H3C6: variants seen among roughly 807,000 people sequenced by gnomAD.
H3C6 encodes H3 clustered histone 6.
In H3C6, 17 loss-of-function variants were observed where a neutral mutation model predicts 8.0. That is an observed-to-expected ratio of 2.13 (90% CI 1.46 to 3.19). H3C6 has a LOEUF of 3.19. Among genes scored for constraint, H3C6 ranks in the 30% most tolerant of loss-of-function variants. The pLI, the probability that H3C6 is intolerant of heterozygous loss-of-function variation, is 0.00. For missense variants in H3C6, 298 were observed against 193.8 expected (o/e 1.54, Z -3.19); for synonymous variants, 169 against 78.0 (o/e 2.17, Z -6.15).
At chr6:26,225,629 A>G (rs1410568518), downstream of H3C6, 3 of 1,542,464 alleles carry the variant, frequency 1.9e-6, no homozygotes, top group African/African-American at 4.1e-5. Context: ...TTGTCCGTGA[A>G]AAGGGCTGTA....
chr6:26,225,073 T>C (rs1765597019), upstream of H3C6: 2 of 1,438,372 alleles, frequency 1.4e-6, no homozygotes, highest in African/African-American at 2.9e-5. Context: ...ACAGGGATCG[T>C]CCACAATCCA....
In H3C6 at chr6:26,225,405, G is replaced by A. The variant is rs767947981; in HGVS notation, c.251G>A (p.Arg84His). The change falls in exon 1 of 1, where the codon CGC becomes CAC. Residue 84 changes from arginine (R) to histidine (H), a missense_variant. Arg to His is a conservative substitution (Grantham distance 29, BLOSUM62 0). Transcript: ENST00000614911. ...EIAQDFKTDL[R>H]FQSSAVMALQ... Reference sequence around the variant, plus strand: ...GCTCAGGACTTCAAGACCGACCTGCGCTTCCAGAGTTCCGCGGTGATGGCG... The same window carrying A: ...GCTCAGGACTTCAAGACCGACCTGCACTTCCAGAGTTCCGCGGTGATGGCG... 8 of 1,614,144 alleles carry A rather than the reference G, an allele frequency of 5.0e-6. No individual in the cohort carries two copies. Among genetic ancestry groups the A allele is most frequent in the South Asian group, 3.3e-5 (3 of 91,094 alleles).
chr6:26,225,316 C>T lies in H3C6; in HGVS notation c.162C>T (p.Arg54=), dbSNP rs143567772. 1.7e-5 allele frequency: 28 copies of T among 1,614,130 alleles called. No homozygotes were observed. The highest frequency in any genetic ancestry group is 2.2e-5 in the South Asian group (2 of 91,088). ...CCGTGGCTCTGCGCGAGATCCGTCG[C>T]TACCAGAAGTCTACCGAGCTTCTAA... ...PGTVALREIR[R]YQKSTELLIR... The change falls in exon 1 of 1, where the codon CGC becomes CGT. Residue 54 remains arginine (R), a synonymous_variant. Transcript: ENST00000614911.
downstream of H3C6, chr6:26,225,762 G>A: frequency 3.0e-6 from 2 of 668,686 alleles, no homozygotes; most frequent in Non-Finnish European, 4.8e-6. Flanking sequence ...TCAGGTTTTC[G>A]CCTAGGGCTG....
chr6:26,226,789 T>C (rs1581467201), downstream of H3C6: 1 of 152,218 alleles, frequency 6.6e-6, no homozygotes, highest in Admixed American at 6.5e-5. Flanking sequence ...CAGGCTGTTA[T>C]TTGGAAATAC....
Position 26,225,438 on chromosome 6 carries a change from A to C in H3C6, c.284A>C (p.Glu95Ala). ...FQSSAVMALQ[E>A]ACEAYLVGLF... Reference sequence around the variant, plus strand: ...AGTTCCGCGGTGATGGCGCTGCAGGAGGCCTGCGAGGCCTACTTGGTGGGG... The same window carrying C: ...AGTTCCGCGGTGATGGCGCTGCAGGCGGCCTGCGAGGCCTACTTGGTGGGG... The change falls in exon 1 of 1, where the codon GAG becomes GCG. Residue 95 changes from glutamate to alanine, a missense_variant. Coordinates refer to ENST00000614911, the MANE Select transcript of H3C6 (RefSeq NM_003532.3). 1 of 1,614,226 alleles carries C rather than the reference A, an allele frequency of 6.2e-7. No individual in the cohort carries two copies. Among genetic ancestry groups the C allele is most frequent in the Non-Finnish European group, 8.5e-7 (1 of 1,180,034 alleles).
Position 26,225,267 on chromosome 6 carries a change from A to T in H3C6, c.113A>T (p.Lys38Met). The T allele has an allele frequency of 1.2e-6, 2 of 1,614,088 alleles. No individual in the cohort carries two copies. Among genetic ancestry groups the T allele is most frequent in the Non-Finnish European group, 1.7e-6 (2 of 1,179,960 alleles). ...KSAPATGGVK[K>M]PHRYRPGTVA... ...GCTCCGGCCACGGGCGGCGTGAAGA[A>T]GCCCCATCGCTACCGCCCTGGCACC... Residue 38 changes from lysine (K) to methionine (M), a missense_variant, in exon 1 of 1, where the codon AAG (lysine) becomes ATG (methionine). Transcript: ENST00000614911.
chr6:26,226,738 G>C (rs1247851643), downstream of H3C6: 1 of 152,192 alleles, frequency 6.6e-6, no homozygotes, highest in Admixed American at 6.5e-5. Context: ...AAACTGGTAG[G>C]TGAAGGGAAG....
Position 26,225,353 on chromosome 6 carries a change from C to A in H3C6, c.199C>A (p.Pro67Thr). The change falls in exon 1 of 1, where the codon CCG (proline) becomes ACG (threonine). Residue 67 changes from proline to threonine, a missense_variant. Pro to Thr is a conservative substitution (Grantham distance 38). Transcript: ENST00000614911. ...TACCGAGCTTCTAATCCGGAAGCTG[C>A]CGTTTCAGCGCCTGGTGCGAGAAAT... ...KSTELLIRKL[P>T]FQRLVREIAQ... The A allele has an allele frequency of 6.2e-7, 1 of 1,614,248 alleles. No homozygotes were observed. The highest frequency in any genetic ancestry group is 8.5e-7 in the Non-Finnish European group (1 of 1,180,038).
chr6:26,226,769 C>T (rs372676434), downstream of H3C6: 5 of 152,118 alleles, frequency 3.3e-5, no homozygotes, highest in African/African-American at 9.7e-5. Context: ...AATTCTGTTA[C>T]GAAATCATAC....
In H3C6 at chr6:26,225,281, C is replaced by T. The variant is rs374670196; in HGVS notation, c.127C>T (p.Arg43Cys). ...CGGCGTGAAGAAGCCCCATCGCTAC[C>T]GCCCTGGCACCGTGGCTCTGCGCGA... ...TGGVKKPHRY[R>C]PGTVALREIR... Residue 43 changes from arginine to cysteine, a missense_variant, in exon 1 of 1, where the codon CGC becomes TGC. By Grantham distance (180) the Arg-to-Cys change is radical (BLOSUM62 -3). Coordinates refer to ENST00000614911, the MANE Select transcript of H3C6 (RefSeq NM_003532.3). The T allele has an allele frequency of 4.3e-6, 7 of 1,614,032 alleles. No individual in the cohort carries two copies. Among genetic ancestry groups the T allele is most frequent in the Admixed American group, 1.7e-5 (1 of 60,002 alleles).
downstream of H3C6, chr6:26,225,658 G>A (rs1436913945): frequency 6.4e-6 from 9 of 1,414,506 alleles, no homozygotes; most frequent in South Asian, 1.2e-4. Flanking sequence ...AGACGCATTA[G>A]ACCACTAAAC....
downstream of H3C6, chr6:26,227,205 C>G (rs1231312493): frequency 2.0e-5 from 3 of 152,178 alleles, no homozygotes; most frequent in Non-Finnish European, 4.4e-5. Flanking sequence ...TAGTGAACAT[C>G]CTATTATGCT....
In H3C6 at chr6:26,225,273, A is replaced by G. The variant is rs768992071; in HGVS notation, c.119A>G (p.His40Arg). Residue 40 changes from histidine to arginine, a missense_variant, in exon 1 of 1, where the codon CAT (histidine) becomes CGT (arginine). Coordinates refer to ENST00000614911, the MANE Select transcript of H3C6 (RefSeq NM_003532.3). ...APATGGVKKP[H>R]RYRPGTVALR... ...GCCACGGGCGGCGTGAAGAAGCCCC[A>G]TCGCTACCGCCCTGGCACCGTGGCT... 1.4e-5 allele frequency: 23 copies of G among 1,614,014 alleles called. No homozygotes were observed. The highest frequency in any genetic ancestry group is 1.9e-5 in the Non-Finnish European group (23 of 1,180,002).
At chr6:26,225,763 C>T (rs898740348), downstream of H3C6, 3 of 669,466 alleles carry the variant, frequency 4.5e-6, no homozygotes, top group Non-Finnish European at 7.2e-6. Flanking sequence ...CAGGTTTTCG[C>T]CTAGGGCTGG....
chr6:26,225,727 T>C (rs369972285), downstream of H3C6: 198 of 933,644 alleles, frequency 2.1e-4, 1 homozygote, highest in African/African-American at 2.8e-3. Flanking sequence ...ATGCTTCATT[T>C]AAATTTCCAA....
chr6:26,225,362 C>T lies in H3C6; in HGVS notation c.208C>T (p.Arg70Cys), dbSNP rs377081356. ...ELLIRKLPFQ[R>C]LVREIAQDFK... The stretch of plus-strand genomic sequence containing the variant: ...TCTAATCCGGAAGCTGCCGTTTCAG[C>T]GCCTGGTGCGAGAAATAGCTCAGGA... The change falls in exon 1 of 1, where the codon CGC becomes TGC. Residue 70 changes from arginine (R) to cysteine (C), a missense_variant. Physicochemically the swap from Arg to Cys is radical, Grantham distance 180. Coordinates refer to ENST00000614911, the MANE Select transcript of H3C6 (RefSeq NM_003532.3). The T allele has an allele frequency of 1.9e-6, 3 of 1,614,228 alleles. No homozygotes were observed. The highest frequency in any genetic ancestry group is 1.7e-6 in the Non-Finnish European group (2 of 1,180,028).
At position 26,225,245 on chromosome 6, in the gene H3C6, C is replaced by T. The variant is rs146067319; in HGVS notation, c.91C>T (p.Pro31Ser). The T allele has an allele frequency of 9.3e-6, 15 of 1,613,262 alleles. No homozygotes were observed. Among genetic ancestry groups the T allele is most frequent in the African/African-American group, 6.7e-5 (5 of 74,924 alleles). The change falls in exon 1 of 1, where the codon CCG (proline) becomes TCG (serine). Residue 31 changes from proline to serine, a missense_variant. Transcript: ENST00000614911. ...LATKAARKSA[P>S]ATGGVKKPHR... ...CACTAAGGCAGCTCGCAAGAGCGCT[C>T]CGGCCACGGGCGGCGTGAAGAAGCC...
downstream of H3C6, chr6:26,226,860 A>C (rs921556893): frequency 2.0e-5 from 3 of 152,230 alleles, no homozygotes; most frequent in African/African-American, 7.2e-5. Context: ...TGTTTATTTA[A>C]ACATTTCAGC....
Sources: allele counts gnomAD v4.1 joint callset, GRCh38; gene constraint gnomAD v4.1.1; transcripts MANE v1.5; gene names NCBI Gene and HGNC (gene_info 2026-07-23, HGNC 2026-07-21).